ADAM32: variants seen among roughly 807,000 people sequenced by gnomAD.
ADAM32 encodes disintegrin and metalloproteinase domain-containing protein 32.
A neutral mutation model predicts 114.9 loss-of-function variants in ADAM32; 89 were observed. The ratio of observed to expected loss-of-function variants is 0.77; its 90% CI spans 0.65 to 0.92. The LOEUF (loss-of-function observed/expected upper bound fraction) is 0.92. ADAM32 is among the 40% of genes least tolerant of loss of function. The probability of loss-of-function intolerance (pLI) is 0.00; values close to 1 mark genes in which losing one functional copy is unlikely to be tolerated. For missense variants in ADAM32, 870 were observed against 932.8 expected, an observed-to-expected ratio of 0.93 and a Z score of 0.88; for synonymous variants, 285 against 307.5, an observed-to-expected ratio of 0.93 and a Z score of 0.77.
At chr8:39,264,709 A>G (rs576651767) in intron 19 of ADAM32, among the ~76,000 whole-genome samples, 3 of 152,086 alleles carry the variant, frequency 2.0e-5, no homozygotes, top group Non-Finnish European at 4.4e-5. Context: ...TCCTCTTAAC[A>G]CTACTTTAGC....
chr8:39,121,867 C>T (rs1324540003), intron 2 of ADAM32, among the ~76,000 whole-genome samples: 1 of 152,090 alleles, frequency 6.6e-6, no homozygotes, highest in Non-Finnish European at 1.5e-5. Context: ...TCCAAGTGGG[C>T]CCAGCAGGGT....
chr8:39,219,732 C>G (rs1214655211), intron 12 of ADAM32, among the ~76,000 whole-genome samples: 1 of 152,116 alleles, frequency 6.6e-6, no homozygotes, highest in Non-Finnish European at 1.5e-5. Context: ...GTTTAATTTC[C>G]ATGTAATTGT....
intron 24 of ADAM32, among the ~76,000 whole-genome samples, chr8:39,284,042 G>A (rs923275397): frequency 7.2e-5 from 11 of 152,132 alleles, no homozygotes; most frequent in Admixed American, 6.5e-4. Flanking sequence ...CCAAAGTGCT[G>A]GGATTACAGG....
chr8:39,231,279 C>G (rs887208343), intron 14 of ADAM32, among the ~76,000 whole-genome samples: 1 of 152,058 alleles, frequency 6.6e-6, no homozygotes, highest in Admixed American at 6.6e-5. Context: ...TGACTAGGAC[C>G]TGTAAGGAAC....
chr8:39,214,065 A>G (rs1335727283), intron 12 of ADAM32, among the ~76,000 whole-genome samples: 3 of 152,144 alleles, frequency 2.0e-5, no homozygotes, highest in East Asian at 1.9e-4. Context: ...TATGTACCAC[A>G]TTTCCTTTAT....
chr8:39,169,821 G>T, intron 9 of ADAM32, 95 bp from the exon 10 acceptor site: 1 of 878,496 alleles, frequency 1.1e-6, no homozygotes. Context: ...CTTCAGATTT[G>T]GATTTTATGA....
chr8:39,267,644 C>A (rs1367367466), intron 19 of ADAM32, among the ~76,000 whole-genome samples: 1 of 152,180 alleles, frequency 6.6e-6, no homozygotes. Context: ...GGGTGCTTCT[C>A]ATAGTTCTGG....
intron 16 of ADAM32, among the ~76,000 whole-genome samples, chr8:39,243,622 A>G (rs1810705941): frequency 1.3e-5 from 2 of 152,206 alleles, no homozygotes; most frequent in Non-Finnish European, 2.9e-5. Flanking sequence ...CATAGAAGGG[A>G]CATACCTTAA....
chr8:39,124,009 C>CT (rs921833803), intron 2 of ADAM32, among the ~76,000 whole-genome samples: 171 of 143,306 alleles, frequency 1.2e-3, no homozygotes, highest in South Asian at 2.4e-3. Context: ...GCCTGGCCTT[C>CT]TTTTTTTTTT....
intron 1 of ADAM32, chr8:39,108,292 TAAAA>T (rs1430969754): frequency 6.6e-6 from 1 of 152,426 alleles, no homozygotes; most frequent in Non-Finnish European, 1.5e-5. Flanking sequence ...TTTTATAAAT[TAAAA>T]AAATTATTTT....
intron 2 of ADAM32, among the ~76,000 whole-genome samples, chr8:39,133,394 T>C (rs1588490416): frequency 1.3e-5 from 2 of 152,250 alleles, no homozygotes; most frequent in East Asian, 3.8e-4. Flanking sequence ...ACATCAGTGA[T>C]GTCTGTGAGT....
At chr8:39,185,313 T>G (rs1806155015) in intron 10 of ADAM32, among the ~76,000 whole-genome samples, 1 of 147,208 alleles carries the variant, frequency 6.8e-6, no homozygotes. Flanking sequence ...CAAGATCCAT[T>G]GCACTATGCT....
At chr8:39,240,895 C>T (rs1810510423) in intron 16 of ADAM32, among the ~76,000 whole-genome samples, 1 of 152,100 alleles carries the variant, frequency 6.6e-6, no homozygotes, top group South Asian at 2.1e-4. Context: ...CTAACAGTCC[C>T]CCAAAGTCTT....
Position 39,164,930 on chromosome 8 carries a change from A to G in ADAM32, c.666+95A>G, listed in dbSNP as rs1804733969. The G allele has an allele frequency of 2.0e-6, 3 of 1,484,024 alleles. No individual in the cohort carries two copies. In the Admixed American group the frequency reaches 5.8e-5, roughly 29 times the overall value. The allele number at this position is 1,484,024 out of a possible 1,614,324, so 91.9% of individuals were successfully genotyped here. On this transcript the variant is annotated intron_variant, in intron 8 of 24. Transcript: ENST00000379907. Reference sequence around the variant, plus strand: ...GTATTCCTGGATAATTAACCCACCCATATAAACTGAGTGTGGGATTGTAAA... The same window carrying G: ...GTATTCCTGGATAATTAACCCACCCGTATAAACTGAGTGTGGGATTGTAAA...
intron 16 of ADAM32, among the ~76,000 whole-genome samples, chr8:39,244,747 G>C (rs1810786394): frequency 6.6e-6 from 1 of 152,136 alleles, no homozygotes; most frequent in Non-Finnish European, 1.5e-5. Context: ...TATACCTAGT[G>C]TTAAATGACG....
chr8:39,220,050 A>G (rs1382913433), intron 12 of ADAM32, among the ~76,000 whole-genome samples: 4 of 152,162 alleles, frequency 2.6e-5, no homozygotes, highest in Non-Finnish European at 5.9e-5. Flanking sequence ...GTGGGGTATT[A>G]AAGTTCTCCA....
intron 2 of ADAM32, among the ~76,000 whole-genome samples, chr8:39,132,533 A>C (rs1162694107): frequency 6.6e-6 from 1 of 152,186 alleles, no homozygotes; most frequent in East Asian, 1.9e-4. Context: ...GCTTTTTCAC[A>C]ATGCTATATC....
At chr8:39,122,807 G>A (rs757089088) in intron 2 of ADAM32, among the ~76,000 whole-genome samples, 3 of 152,146 alleles carry the variant, frequency 2.0e-5, no homozygotes, top group Non-Finnish European at 4.4e-5. Flanking sequence ...GACCTCAAGT[G>A]GTCTGCCTAC....
chr8:39,177,165 T>G (rs762857506), intron 10 of ADAM32, among the ~76,000 whole-genome samples: 3 of 151,984 alleles, frequency 2.0e-5, no homozygotes, highest in Admixed American at 6.6e-5. Context: ...GTTCAAGAGA[T>G]TCTCTTGCCT....
Sources: allele counts gnomAD v4.1 joint callset (sites outside exome capture counted in the v4.1 genomes callset), GRCh38; gene constraint gnomAD v4.1.1; transcripts MANE v1.5; gene names NCBI Gene and HGNC (gene_info 2026-07-23, HGNC 2026-07-21).